The following COL2A1 variants were observed in gnomAD, a reference collection of about 807,000 sequenced individuals.
COL2A1 encodes collagen alpha-1(II) chain.
A neutral mutation model predicts 204.5 loss-of-function variants in COL2A1; 28 were observed. That is an observed-to-expected ratio of 0.14 (90% confidence interval 0.10 to 0.19). COL2A1 has a LOEUF of 0.19. COL2A1 is among the 10% of genes least tolerant of loss of function. The pLI is 1.00. For missense variants in COL2A1, 1,388 were observed against 2,027.5 expected (o/e 0.68, Z 6.06); for synonymous variants, 708 against 718.7 (o/e 0.99, Z 0.24).
intron 14 of COL2A1, 53 bp downstream of exon 14, chr12:47,993,756 G>A (rs1939815702): frequency 3.8e-6 from 6 of 1,584,192 alleles, no homozygotes; most frequent in Non-Finnish European, 5.2e-6. Flanking sequence ...TAGGAAGAGG[G>A]GCTCCTCATT....
chr12:47,995,418 A>C (rs1939907254), intron 10 of COL2A1, 110 bp from the exon 11 acceptor site: 1 of 997,946 alleles, frequency 1.0e-6, no homozygotes, highest in Admixed American at 1.7e-5. Flanking sequence ...TATGAAGAAG[A>C]AAGATGGGAA....
intron 37 of COL2A1, 103 bp downstream of exon 37, chr12:47,981,240 G>A: frequency 7.6e-7 from 1 of 1,313,222 alleles, no homozygotes; most frequent in African/African-American, 1.5e-5. Flanking sequence ...GTGCCTGGCA[G>A]CACACAGGGC....
At chr12:47,981,080 G>T in intron 37 of COL2A1, 112 bp from the exon 38 acceptor site, 1 of 1,163,656 alleles carries the variant, frequency 8.6e-7, no homozygotes, top group Non-Finnish European at 1.2e-6. Flanking sequence ...CAGAGACGGG[G>T]ATCTGAAAGC....
chr12:47,974,154 C>T lies in COL2A1; in HGVS notation c.4252G>A (p.Asp1418Asn), dbSNP rs1419285230. 2 of 1,614,094 alleles carry T rather than the reference C, an allele frequency of 1.2e-6. No individual in the cohort carries two copies. The highest frequency in any genetic ancestry group is 4.5e-5 in the East Asian group (2 of 44,890). The stretch of plus-strand genomic sequence containing the variant: ...TTGCCCTCTGCCCGGATCTCCACGT[C>T]ATTGGAGCCCTGGATGAGCAGGGCC... ...KKALLIQGSN[D>N]VEIRAEGNSR... The change falls in exon 53 of 54, where the codon GAC (aspartate) becomes AAC (asparagine). Residue 1418 changes from aspartate (D) to asparagine (N), a missense_variant. By Grantham distance (23) the Asp-to-Asn change is conservative (BLOSUM62 1). Transcript: ENST00000380518.
chr12:47,984,208 G>A (rs1353229311), intron 28 of COL2A1, 68 bp from the exon 29 acceptor site: 9 of 1,455,982 alleles, frequency 6.2e-6, no homozygotes, highest in Non-Finnish European at 7.6e-6. Flanking sequence ...CCCTAGGATT[G>A]GGCAAAGGTA....
At chr12:47,975,705 C>A (rs1402911121) in intron 50 of COL2A1, 100 bp from the exon 51 acceptor site, 1 of 1,349,906 alleles carries the variant, frequency 7.4e-7, no homozygotes, top group East Asian at 2.4e-5. Context: ...CTCTTCCCAG[C>A]CCCATGGGTG....
chr12:47,996,933 A>G (rs1446228907), intron 7 of COL2A1, among the ~76,000 whole-genome samples: 1 of 152,238 alleles, frequency 6.6e-6, no homozygotes, highest in Non-Finnish European at 1.5e-5. Context: ...TTTAACGTAT[A>G]TGGAGAAACA....
At chr12:47,992,667 T>G (rs911688977) in intron 16 of COL2A1, among the ~76,000 whole-genome samples, 4 of 152,150 alleles carry the variant, frequency 2.6e-5, no homozygotes, top group Admixed American at 2.6e-4. Flanking sequence ...AGAATCATGC[T>G]TTCACCCATC....
chr12:48,002,932 A>G (rs1940303310), intron 1 of COL2A1: 1 of 152,220 alleles, frequency 6.6e-6, no homozygotes, highest in African/African-American at 2.4e-5. Flanking sequence ...GCCGCCTTCC[A>G]CGCTATCCCT....
chr12:47,995,236 T>A lies in COL2A1; in HGVS notation c.762+19A>T. On this transcript the variant is annotated intron_variant, in intron 11 of 53. Coordinates refer to ENST00000380518, the MANE Select transcript of COL2A1 (RefSeq NM_001844.5). Reference sequence around the variant, plus strand: ...TTCAAAGGAGGCAGCTCCTCATTTGTCTACTCGTGTATACTCACATCATCA... The same window carrying A: ...TTCAAAGGAGGCAGCTCCTCATTTGACTACTCGTGTATACTCACATCATCA... 1 of 1,608,826 alleles carries A rather than the reference T, an allele frequency of 6.2e-7. No homozygotes were observed. The highest frequency in any genetic ancestry group is 8.5e-7 in the Non-Finnish European group (1 of 1,175,124).
chr12:48,004,703 T>G, upstream of COL2A1: 1 of 170,876 alleles, frequency 5.9e-6, no homozygotes, highest in Non-Finnish European at 1.2e-5. Flanking sequence ...AGTGGCCTGA[T>G]CGGGCGGGGC....
Position 47,987,371 on chromosome 12 carries a change from C to A in COL2A1, c.1222-58G>T. Reference sequence around the variant, plus strand: ...AAGAATGAACCCCAACCACCTCCAGCCCTCCAGGATCCAGATCCAGGGACC... The same window carrying A: ...AAGAATGAACCCCAACCACCTCCAGACCTCCAGGATCCAGATCCAGGGACC... On this transcript the variant is annotated intron_variant, in intron 19 of 53. Coordinates refer to ENST00000380518, the MANE Select transcript of COL2A1 (RefSeq NM_001844.5). This position sits in a 1 kb window ranked among gnomAD's most constrained non-coding sequence, Gnocchi z 4.1. 1.3e-6 allele frequency: 2 copies of A among 1,583,328 alleles called. No individual in the cohort carries two copies. The highest frequency in any genetic ancestry group is 3.4e-5 in the Admixed American group (2 of 59,092).
intron 11 of COL2A1, 104 bp from the exon 12 acceptor site, chr12:47,994,581 A>G: frequency 8.4e-7 from 1 of 1,193,732 alleles, no homozygotes; most frequent in South Asian, 1.3e-5. Context: ...GCCTTTGCCT[A>G]CCGGCTCACT....
chr12:47,978,482 C>T lies in COL2A1; in HGVS notation c.2896-84G>A, dbSNP rs1217596627. On this transcript the variant is annotated intron_variant, in intron 42 of 53. Transcript: ENST00000380518. The surrounding 1 kb of genome is among the most constrained non-coding windows in gnomAD (Gnocchi z 5.5). ...CAGCACAGCTCTGTCTGTGCAGCCC[C>T]GCTCCCTGGCATCCCCACGGCCCCT... 40 of 1,571,330 alleles carry T rather than the reference C, an allele frequency of 2.5e-5. No individual in the cohort carries two copies. Among genetic ancestry groups the T allele is most frequent in the Non-Finnish European group, 2.9e-5 (33 of 1,151,804 alleles).
intron 12 of COL2A1, 111 bp downstream of exon 12, chr12:47,994,313 A>G (rs1939844857): frequency 1.7e-6 from 2 of 1,157,700 alleles, no homozygotes; most frequent in Non-Finnish European, 2.6e-6. Flanking sequence ...TATAGGGGCT[A>G]CTGGCGTTTC....
At chr12:47,984,652 G>A in intron 27 of COL2A1, 53 bp from the exon 28 acceptor site, 1 of 1,554,458 alleles carries the variant, frequency 6.4e-7, no homozygotes, top group Non-Finnish European at 8.9e-7. Flanking sequence ...GAGGGAGTTG[G>A]GGGCAGAGCG....
chr12:47,982,728 C>A, intron 33 of COL2A1, 119 bp from the exon 34 acceptor site: 2 of 1,248,762 alleles, frequency 1.6e-6, no homozygotes, highest in Non-Finnish European at 1.2e-6. Context: ...CCCATGTAGA[C>A]CTCCTTTCCA....
chr12:47,978,252 G>C lies in COL2A1; in HGVS notation c.3003+39C>G. 6.2e-7 allele frequency: 1 copy of C among 1,609,336 alleles called. No individual in the cohort carries two copies. The highest frequency in any genetic ancestry group is 1.1e-5 in the South Asian group (1 of 90,650). On this transcript the variant is annotated intron_variant, in intron 43 of 53. Transcript: ENST00000380518. The surrounding 1 kb of genome is among the most constrained non-coding windows in gnomAD (Gnocchi z 5.5). Reference sequence around the variant, plus strand: ...GGGAGGTAGAAGCCTTGGCAGGCAGGGCCCAGCTTGGATGGAGGGAGGGAT... The same window carrying C: ...GGGAGGTAGAAGCCTTGGCAGGCAGCGCCCAGCTTGGATGGAGGGAGGGAT...
At chr12:47,994,980 C>T (rs958327283) in intron 11 of COL2A1, among the ~76,000 whole-genome samples, 1 of 151,970 alleles carries the variant, frequency 6.6e-6, no homozygotes, top group Non-Finnish European at 1.5e-5. Context: ...TGTATTTTTT[C>T]TCTCCCTTCT....
Sources: gnomAD v4.1 joint callset for allele counts (sites outside exome capture counted in the v4.1 genomes callset) on GRCh38, gnomAD v4.1.1 for gene constraint, Gnocchi (gnomAD v3.1) non-coding constraint, MANE v1.5 for transcripts, NCBI Gene and HGNC (gene_info 2026-07-23, HGNC 2026-07-21) for gene names.